The following HMCN1 variants were observed in gnomAD, a reference collection of about 807,000 sequenced individuals.
The protein encoded by HMCN1 is hemicentin 1, also known as hemicentin-1.
HMCN1 carries 321 observed loss-of-function variants against 625.9 expected under a neutral mutation model. That is an observed-to-expected ratio of 0.51 (90% CI 0.47 to 0.56). HMCN1 has a LOEUF of 0.56. Among genes scored for constraint, HMCN1 ranks in the 20% least tolerant of loss-of-function variants. The probability of loss-of-function intolerance (pLI) is 0.00; values close to 1 mark genes in which losing one functional copy is unlikely to be tolerated. For synonymous variants in HMCN1, 2,425 were observed against 2,417.6 expected, an observed-to-expected ratio of 1.00 and a Z score of -0.09; for missense variants, 6,588 against 6,887.3, an observed-to-expected ratio of 0.96 and a Z score of 1.54.
intron 8 of HMCN1, among the ~76,000 whole-genome samples, chr1:185,924,297 C>T (rs1414789205): frequency 1.6e-5 from 2 of 126,968 alleles, no homozygotes; most frequent in East Asian, 5.3e-4. Flanking sequence ...GTGGCGCGAT[C>T]TCGGCTCACT....
chr1:186,151,769 C>G, intron 95 of HMCN1, 26 bp downstream of exon 95: 1 of 1,608,432 alleles, frequency 6.2e-7, no homozygotes, highest in Non-Finnish European at 8.5e-7. Context: ...ATTTAATATT[C>G]TATTACTATA....
intron 1 of HMCN1, among the ~76,000 whole-genome samples, chr1:185,788,097 AG>A (rs1657748192): frequency 6.6e-6 from 1 of 152,232 alleles, no homozygotes; most frequent in African/African-American, 2.4e-5. Context: ...CATTTATTTT[AG>A]GCTAATAGTT....
intron 48 of HMCN1, 32 bp downstream of exon 48, chr1:186,062,632 C>T (rs180843720): frequency 2.1e-6 from 3 of 1,403,202 alleles, no homozygotes; most frequent in East Asian, 2.3e-5. Flanking sequence ...TTTTGGTGCT[C>T]CCCCCACTCA....
intron 2 of HMCN1, among the ~76,000 whole-genome samples, chr1:185,847,159 T>C (rs1207360287): frequency 6.6e-6 from 1 of 152,072 alleles, no homozygotes; most frequent in African/African-American, 2.4e-5. Flanking sequence ...TGAACACTGC[T>C]TTTTCTCCTT....
chr1:185,827,620 A>G (rs1660605746), intron 1 of HMCN1, among the ~76,000 whole-genome samples: 1 of 152,190 alleles, frequency 6.6e-6, no homozygotes, highest in Non-Finnish European at 1.5e-5. Context: ...GTAGGTAGCT[A>G]TAGAAGACAG....
intron 52 of HMCN1, among the ~76,000 whole-genome samples, chr1:186,072,498 A>C (rs1223530604): frequency 6.6e-6 from 1 of 152,190 alleles, no homozygotes; most frequent in African/African-American, 2.4e-5. Context: ...ATTTCTACTC[A>C]TGTGAAGTTT....
At chr1:185,989,670 T>C (rs1020127571) in intron 21 of HMCN1, 23 bp downstream of exon 21, 2 of 1,612,250 alleles carry the variant, frequency 1.2e-6, no homozygotes, top group Admixed American at 1.7e-5. Flanking sequence ...GGAGGAATGG[T>C]TTTTATTGAC....
At chr1:185,947,243 G>A (rs1424063229) in intron 11 of HMCN1, among the ~76,000 whole-genome samples, 1 of 152,112 alleles carries the variant, frequency 6.6e-6, no homozygotes, top group Admixed American at 6.5e-5. Context: ...TGCAATGATG[G>A]AATTATTTTC....
chr1:186,122,160 T>C (rs548424459), intron 80 of HMCN1, among the ~76,000 whole-genome samples: 2 of 152,304 alleles, frequency 1.3e-5, no homozygotes, highest in East Asian at 3.9e-4. Context: ...CAATCGGAGA[T>C]AATTGCTTCC....
At chr1:185,927,126 G>A (rs577658784) in intron 9 of HMCN1, among the ~76,000 whole-genome samples, 18 of 152,224 alleles carry the variant, frequency 1.2e-4, no homozygotes, top group Non-Finnish European at 2.4e-4. Flanking sequence ...CCAAAGAATC[G>A]TCAGTTTCTG....
intron 58 of HMCN1, 21 bp from the exon 59 acceptor site, chr1:186,087,196 T>C: frequency 6.8e-7 from 1 of 1,480,786 alleles, no homozygotes; most frequent in South Asian, 1.1e-5. Context: ...ACTCTACAAT[T>C]TGCATTCTAT....
intron 35 of HMCN1, among the ~76,000 whole-genome samples, 184 bp from the exon 36 acceptor site, chr1:186,022,846 A>G (rs536534605): frequency 6.2e-4 from 95 of 152,248 alleles, no homozygotes; most frequent in African/African-American, 2.1e-3. Context: ...TTTTCAATCA[A>G]ACTAGTCTAT....
intron 1 of HMCN1, among the ~76,000 whole-genome samples, chr1:185,789,902 G>T (rs1407554138): frequency 6.6e-6 from 1 of 152,164 alleles, no homozygotes; most frequent in Non-Finnish European, 1.5e-5. Context: ...GGCTGAAACT[G>T]CTAACAACTA....
At chr1:186,085,186 C>A (rs1158587004) in intron 57 of HMCN1, among the ~76,000 whole-genome samples, 2 of 152,114 alleles carry the variant, frequency 1.3e-5, no homozygotes, top group African/African-American at 4.8e-5. Context: ...TCTCTTAAAC[C>A]TTCACGCCCT....
chr1:186,122,355 T>C (rs1172441404), intron 80 of HMCN1, among the ~76,000 whole-genome samples: 2 of 152,194 alleles, frequency 1.3e-5, no homozygotes, highest in African/African-American at 4.8e-5. Context: ...ACCTAAGTGG[T>C]GATCAGCCTA....
intron 2 of HMCN1, among the ~76,000 whole-genome samples, chr1:185,860,815 A>G (rs537225259): frequency 2.0e-5 from 3 of 152,328 alleles, no homozygotes; most frequent in Admixed American, 1.3e-4. Flanking sequence ...ATTAACCAAT[A>G]TTAAGCCTCA....
Position 185,780,982 on chromosome 1 carries a change from C to G in HMCN1, c.268+45935C>G, listed in dbSNP as rs550306539. 1.4e-4 allele frequency among the ~76,000 whole-genome samples: 21 copies of G among 152,158 alleles called. No individual in the cohort carries two copies. The South Asian group carries it at 4.4e-3, about 32-fold the overall frequency. On this transcript the variant is annotated intron_variant, in intron 1 of 106. Coordinates refer to ENST00000271588, the MANE Select transcript of HMCN1 (RefSeq NM_031935.3). The stretch of plus-strand genomic sequence containing the variant: ...AGCTGTGAATCCACCTGGTCCTGGA[C>G]TTTTTTTGGTTGATAGGCTATTAAT...
At chr1:186,179,195 T>G (rs1418371023) in intron 104 of HMCN1, among the ~76,000 whole-genome samples, 1 of 152,152 alleles carries the variant, frequency 6.6e-6, no homozygotes, top group East Asian at 1.9e-4. Context: ...GTCGACTGCT[T>G]GTTCTGTATA....
At chr1:186,079,320 C>G (rs571375855) in intron 55 of HMCN1, among the ~76,000 whole-genome samples, 1 of 152,254 alleles carries the variant, frequency 6.6e-6, no homozygotes, top group Admixed American at 6.5e-5. Flanking sequence ...CGAGCTGGTT[C>G]CTGCCTGCCT....
Sources: allele counts gnomAD v4.1 joint callset (sites outside exome capture counted in the v4.1 genomes callset), GRCh38; gene constraint gnomAD v4.1.1; transcripts MANE v1.5; gene names NCBI Gene and HGNC (gene_info 2026-07-23, HGNC 2026-07-21).